PACRG: variants seen among roughly 807,000 people sequenced by gnomAD.
PACRG encodes the protein parkin coregulated, also known as parkin coregulated gene protein.
PACRG carries 29 observed loss-of-function variants against 29.7 expected under a neutral mutation model. The ratio of observed to expected loss-of-function variants is 0.98; its 90% CI spans 0.73 to 1.33. PACRG has a LOEUF of 1.33. Ranked by LOEUF, PACRG falls within the 40% of genes most tolerant of loss-of-function variation. The probability of loss-of-function intolerance (pLI) is 0.00; values close to 1 mark genes in which losing one functional copy is unlikely to be tolerated. For synonymous variants in PACRG, 116 were observed against 118.7 expected, an observed-to-expected ratio of 0.98 and a Z score of 0.15; for missense variants, 279 against 316.2, an observed-to-expected ratio of 0.88 and a Z score of 0.89.
intron 4 of PACRG, among the ~76,000 whole-genome samples, chr6:163,211,046 T>C (rs80171109): frequency 0.025 from 3,847 of 152,302 alleles, 172 homozygotes; most frequent in African/African-American, 0.088. Context: ...TACTAAATTT[T>C]TTCTCCTAGG....
intron 4 of PACRG, among the ~76,000 whole-genome samples, chr6:163,241,763 C>T (rs1181649106): frequency 1.3e-5 from 2 of 151,954 alleles, no homozygotes; most frequent in Non-Finnish European, 2.9e-5. Context: ...AACCATGAAG[C>T]GGGTGTGTAG....
intron 1 of PACRG, among the ~76,000 whole-genome samples, chr6:162,808,008 TG>T: frequency 6.6e-6 from 1 of 152,370 alleles, no homozygotes; most frequent in Non-Finnish European, 1.5e-5. Flanking sequence ...AGCTCATTTT[TG>T]CTATCATTGA....
rs1458049194 is a variant in PACRG at position 163,237,819 on chromosome 6, G to GT, written c.614-77004dup. Among the ~76,000 whole-genome samples, 5 of 152,266 alleles carry GT rather than the reference G, an allele frequency of 3.3e-5. No individual in the cohort carries two copies. The East Asian group carries it at 9.6e-4, about 29-fold the overall frequency. On this transcript the variant is annotated intron_variant, in intron 4 of 4. Transcript: ENST00000366888. ...TGAACTTAATAGGTTATTACTACAT[G>GT]TTTTGCTCAGTATTCTAAGCCAAGT...
intron 1 of PACRG, among the ~76,000 whole-genome samples, chr6:162,806,944 C>A (rs1786394443): frequency 6.6e-6 from 1 of 152,234 alleles, no homozygotes; most frequent in Non-Finnish European, 1.5e-5. Context: ...TAGCCACTTT[C>A]ATCATTTATC....
At chr6:163,135,185 A>ATT (rs10568609) in intron 4 of PACRG, among the ~76,000 whole-genome samples, 9 of 143,592 alleles carry the variant, frequency 6.3e-5, no homozygotes, top group East Asian at 6.2e-4. Context: ...TAGTTAAGTC[A>ATT]TTTTTTTTTT....
chr6:163,269,980 A>AAAGAAAGAAAGAAAGAAAGC (rs1783755564), intron 4 of PACRG, among the ~76,000 whole-genome samples: 1 of 112,562 alleles, frequency 8.9e-6, no homozygotes, highest in Non-Finnish European at 2.0e-5. Context: ...AGAAAGAAAG[A>AAAGAAAGAAAGAAAGAAAGC]AAGAAAGAAA....
intron 1 of PACRG, among the ~76,000 whole-genome samples, chr6:162,744,371 G>A (rs1780826710): frequency 6.6e-6 from 1 of 152,156 alleles, no homozygotes; most frequent in Admixed American, 6.5e-5. Context: ...GCTGAGGTGG[G>A]AGGATTGCTT....
chr6:163,103,320 C>T (rs1485565241), intron 4 of PACRG, among the ~76,000 whole-genome samples: 5 of 152,160 alleles, frequency 3.3e-5, no homozygotes, highest in African/African-American at 1.2e-4. Flanking sequence ...CTCTCAACTG[C>T]TAGAGGCGGC....
chr6:163,044,195 G>T (rs1340132131), intron 2 of PACRG, among the ~76,000 whole-genome samples: 1 of 150,376 alleles, frequency 6.6e-6, no homozygotes. Flanking sequence ...TTGAGACAGG[G>T]TCTCACTCTG....
chr6:163,032,692 G>T (rs905624868), intron 2 of PACRG, among the ~76,000 whole-genome samples: 3 of 152,198 alleles, frequency 2.0e-5, no homozygotes, highest in African/African-American at 7.2e-5. Context: ...ATATTTGACA[G>T]TGCTTCCTGT....
At position 162,805,229 on chromosome 6, in the gene PACRG, G is replaced by C. The variant is rs187600505; in HGVS notation, c.157-8918G>C. ...AGATTCAGTTTCAGACCACTGCAAT[G>C]AAGCAAATATCTCAGTTCAGAGAGT... On this transcript the variant is annotated intron_variant, in intron 1 of 4. Coordinates refer to ENST00000366888, the MANE Select transcript of PACRG (RefSeq NM_001080379.2). Among the ~76,000 whole-genome samples the C allele has an allele frequency of 3.4e-3, 519 of 152,258 alleles. 3 individuals carry two copies. The highest frequency in any genetic ancestry group is 3.9e-3 in the Non-Finnish European group (263 of 68,012).
chr6:163,315,189 A>C lies in PACRG; in HGVS notation c.*202A>C, dbSNP rs1384091101. On this transcript the variant is annotated 3_prime_UTR_variant, in exon 5 of 5. Transcript: ENST00000366888. ...AAATAGTGTCTGTTTCTTAGATTAC[A>C]ATAGTGTACTGTGCTTATTTGTTCT... is the stretch of plus-strand genomic sequence containing the variant. 4.1e-5 allele frequency: 23 copies of C among 563,844 alleles called. No homozygotes were observed. The highest frequency in any genetic ancestry group is 4.0e-5 in the Non-Finnish European group (13 of 327,962). 34.9% of individuals were successfully genotyped at this position (563,844 alleles called of 1,614,324 possible). A position where few individuals can be genotyped will look rare whatever the true frequency, so the allele number is the denominator to read the frequency against.
chr6:163,197,446 T>TCTTTTCTTTTCTTTTC (rs1562959303), intron 4 of PACRG, among the ~76,000 whole-genome samples: 3 of 141,438 alleles, frequency 2.1e-5, no homozygotes, highest in African/African-American at 7.9e-5. Context: ...TTTTTTTTTT[T>TCTTTTCTTTTCTTTTC]TTTTTTTTTT....
intron 2 of PACRG, among the ~76,000 whole-genome samples, chr6:163,012,924 A>G (rs2128212675): frequency 6.6e-6 from 1 of 152,356 alleles, no homozygotes; most frequent in South Asian, 2.1e-4. Flanking sequence ...CTGAACTTCC[A>G]AAACAGTAGC....
intron 4 of PACRG, among the ~76,000 whole-genome samples, chr6:163,306,205 A>T (rs767958763): frequency 2.0e-5 from 3 of 152,196 alleles, no homozygotes; most frequent in Non-Finnish European, 4.4e-5. Context: ...TGTTATTATT[A>T]CTCCACCATG....
intron 2 of PACRG, among the ~76,000 whole-genome samples, chr6:162,985,100 A>T (rs1231663586): frequency 6.6e-6 from 1 of 152,064 alleles, no homozygotes; most frequent in African/African-American, 2.4e-5. Context: ...AAACAGATGG[A>T]TTTACAGCTG....
chr6:162,754,254 A>G (rs978963947), intron 1 of PACRG, among the ~76,000 whole-genome samples: 1 of 152,064 alleles, frequency 6.6e-6, no homozygotes, highest in Non-Finnish European at 1.5e-5. Flanking sequence ...GAATTTTTTC[A>G]TATACTTGTC....
At chr6:162,741,199 C>G (rs763835950) in intron 1 of PACRG, among the ~76,000 whole-genome samples, 2 of 152,210 alleles carry the variant, frequency 1.3e-5, no homozygotes, top group African/African-American at 4.8e-5. Flanking sequence ...TTTGTCATAT[C>G]ATTCCAAGAT....
At chr6:162,847,783 A>G (rs9365498) in intron 2 of PACRG, among the ~76,000 whole-genome samples, 3 of 152,088 alleles carry the variant, frequency 2.0e-5, no homozygotes, top group Non-Finnish European at 4.4e-5. Flanking sequence ...ACAAGGAGCT[A>G]CTAGGGGCAG....
Sources: allele counts gnomAD v4.1 joint callset (sites outside exome capture counted in the v4.1 genomes callset), GRCh38; gene constraint gnomAD v4.1.1; transcripts MANE v1.5; gene names NCBI Gene and HGNC (gene_info 2026-07-23, HGNC 2026-07-21).